The following RPTOR variants were observed in gnomAD, a reference collection of about 807,000 sequenced individuals.
RPTOR encodes regulatory associated protein of MTOR complex 1.
Under a neutral mutation model 169.9 loss-of-function variants are expected in RPTOR, and 21 were observed. The observed-to-expected ratio is 0.12, with a 90% CI of 0.09 to 0.18. The LOEUF is 0.18. RPTOR is among the 10% of genes least tolerant of loss of function. The probability of loss-of-function intolerance (pLI) is 1.00; values close to 1 mark genes in which losing one functional copy is unlikely to be tolerated. For missense variants in RPTOR, 1,133 were observed against 1,855.9 expected (o/e 0.61, Z 7.16); for synonymous variants, 732 against 753.2 (o/e 0.97, Z 0.46).
intron 3 of RPTOR, among the ~76,000 whole-genome samples, chr17:80,698,912 CA>C (rs2066060012): frequency 6.6e-6 from 1 of 152,220 alleles, no homozygotes; most frequent in African/African-American, 2.4e-5. Flanking sequence ...CAGGAAGCGC[CA>C]GCTTGTGTCT....
rs2069094230 is a variant in RPTOR at position 80,945,689 on chromosome 17, A to G, written c.3048A>G (p.Gln1016=). The G allele has an allele frequency of 1.2e-6, 2 of 1,611,318 alleles. No homozygotes were observed. The highest frequency in any genetic ancestry group is 8.5e-7 in the Non-Finnish European group (1 of 1,178,960). The part of the protein sequence containing the change: ...IQKGITRLDD[Q]IFLNRNPGVP... ...CAGGCATTACGAGATTGGACGACCA[A>G]ATATTTCTGAACAGGAACCCCGGCG... Residue 1016 remains glutamine, a synonymous_variant, in exon 26 of 34, where the codon CAA becomes CAG. Transcript: ENST00000306801.
rs902020190 is a variant in RPTOR, at chr17:80,871,689, T to C, written c.1510-8726T>C. ...GCAGTTTCATTATCTTTTTAGGGTC[T>C]AAATATAGTTCTTTTAATTTCCTCT... On this transcript the variant is annotated intron_variant, in intron 13 of 33. Coordinates refer to ENST00000306801, the MANE Select transcript of RPTOR (RefSeq NM_020761.3). Among the ~76,000 whole-genome samples the C allele has an allele frequency of 1.3e-5, 2 of 152,382 alleles. 1 individual carries two copies.
intron 3 of RPTOR, among the ~76,000 whole-genome samples, chr17:80,704,282 A>G (rs1427985947): frequency 1.3e-5 from 2 of 152,212 alleles, no homozygotes; most frequent in Non-Finnish European, 2.9e-5. Context: ...CTTTGCCCCC[A>G]GAACTGCGCT....
intron 3 of RPTOR, among the ~76,000 whole-genome samples, chr17:80,694,712 T>C (rs983526060): frequency 2.6e-5 from 4 of 152,172 alleles, no homozygotes; most frequent in Admixed American, 2.6e-4. Flanking sequence ...GATGTGGTAT[T>C]GGTCGGAGTT....
At chr17:80,658,743 C>T (rs1214521342) in intron 3 of RPTOR, among the ~76,000 whole-genome samples, 2 of 152,194 alleles carry the variant, frequency 1.3e-5, no homozygotes, top group African/African-American at 2.4e-5. Flanking sequence ...TGCTGTAGGT[C>T]ACTGATCCTC....
intron 13 of RPTOR, among the ~76,000 whole-genome samples, chr17:80,876,775 C>T (rs1259219475): frequency 1.4e-4 from 14 of 98,002 alleles, no homozygotes; most frequent in South Asian, 4.1e-4. Context: ...TGTCGCCTGC[C>T]GGGTCTTCCA....
At chr17:80,810,339 A>T (rs1052594670) in intron 7 of RPTOR, among the ~76,000 whole-genome samples, 1 of 152,212 alleles carries the variant, frequency 6.6e-6, no homozygotes, top group African/African-American at 2.4e-5. Context: ...TATAGTCAAG[A>T]GTCAAGGATC....
At chr17:80,738,021 G>T (rs566059730) in intron 5 of RPTOR, among the ~76,000 whole-genome samples, 10 of 152,240 alleles carry the variant, frequency 6.6e-5, no homozygotes, top group East Asian at 1.9e-4. Context: ...TTAAGAGGGT[G>T]GGGGGGCAGG....
chr17:80,838,066 AG>A (rs1218263459), intron 10 of RPTOR, 69 bp downstream of exon 10: 1 of 1,368,502 alleles, frequency 7.3e-7, no homozygotes, highest in Non-Finnish European at 1.0e-6. Context: ...TGGACTGCAA[AG>A]CCCCCAGACT....
At chr17:80,924,001 C>T (rs1357292124) in intron 23 of RPTOR, 5 of 377,584 alleles carry the variant, frequency 1.3e-5, no homozygotes, top group African/African-American at 2.1e-5. Flanking sequence ...TGTAACGAAA[C>T]AGGAGCACGG....
chr17:80,735,236 C>T (rs1442167966), intron 5 of RPTOR, among the ~76,000 whole-genome samples: 1 of 152,122 alleles, frequency 6.6e-6, no homozygotes, highest in African/African-American at 2.4e-5. Flanking sequence ...CATCCATTAT[C>T]GATAGTGTAG....
chr17:80,937,889 T>TGTC (rs1331534970), intron 24 of RPTOR, among the ~76,000 whole-genome samples: 1 of 152,224 alleles, frequency 6.6e-6, no homozygotes, highest in Admixed American at 6.5e-5. Flanking sequence ...CACCTCCACT[T>TGTC]CTGCCCATGC....
At chr17:80,744,565 T>C (rs563633210) in intron 5 of RPTOR, among the ~76,000 whole-genome samples, 32 of 24,976 alleles carry the variant, frequency 1.3e-3, no homozygotes, top group East Asian at 1.9e-3. Context: ...ACTGTCCTGG[T>C]TACGAGCACA....
At chr17:80,630,740 G>C (rs74000841) in intron 2 of RPTOR, among the ~76,000 whole-genome samples, 1 of 152,230 alleles carries the variant, frequency 6.6e-6, no homozygotes, top group Non-Finnish European at 1.5e-5. Flanking sequence ...CACAGTCCTC[G>C]TGCATTAGGG....
intron 1 of RPTOR, among the ~76,000 whole-genome samples, chr17:80,608,542 G>T (rs2065244950): frequency 6.6e-6 from 1 of 152,176 alleles, no homozygotes; most frequent in South Asian, 2.1e-4. Context: ...GGGGTATCAG[G>T]AAGAGAAGAA....
chr17:80,582,916 C>CTT (rs71163971), intron 1 of RPTOR, among the ~76,000 whole-genome samples: 3 of 139,324 alleles, frequency 2.2e-5, no homozygotes, highest in African/African-American at 5.3e-5. Context: ...CTTTTTTTTT[C>CTT]TTTTTTTTTT....
At position 80,634,296 on chromosome 17, in the gene RPTOR, T is replaced by C. The variant is rs544059208; in HGVS notation, c.265+8503T>C. On this transcript the variant is annotated intron_variant, in intron 2 of 33. Transcript: ENST00000306801. The stretch of plus-strand genomic sequence containing the variant: ...GTGCGTACTGTGTGTGTGCGTACTG[T>C]GTGTGTGCGTACTGTGCGTGTGCGT... Among the ~76,000 whole-genome samples the C allele has an allele frequency of 1.3e-3, 183 of 143,920 alleles. 7 individuals carry two copies. The highest frequency in any genetic ancestry group is 5.0e-3 in the African/African-American group (176 of 34,954). 94.4% of individuals were successfully genotyped at this position (143,920 alleles called of 152,430 possible).
At chr17:80,698,708 G>C (rs1349820418) in intron 3 of RPTOR, among the ~76,000 whole-genome samples, 1 of 152,210 alleles carries the variant, frequency 6.6e-6, no homozygotes, top group African/African-American at 2.4e-5. Context: ...CTGGAACAAA[G>C]GAAATGTCTT....
chr17:80,829,621 C>G (rs554380584), intron 9 of RPTOR, among the ~76,000 whole-genome samples: 1 of 152,296 alleles, frequency 6.6e-6, no homozygotes, highest in South Asian at 2.1e-4. Context: ...TGCCTCGGCT[C>G]CCAGCATGGG....
Sources: allele counts gnomAD v4.1 joint callset (sites outside exome capture counted in the v4.1 genomes callset), GRCh38; gene constraint gnomAD v4.1.1; transcripts MANE v1.5; gene names NCBI Gene and HGNC (gene_info 2026-07-23, HGNC 2026-07-21).